The following TLCD4 variants were observed in gnomAD, a reference collection of about 807,000 sequenced individuals.
TLCD4 encodes TLC domain containing 4.
A neutral mutation model predicts 24.2 loss-of-function variants in TLCD4; 7 were observed. The ratio of observed to expected loss-of-function variants is 0.29; its 90% CI spans 0.16 to 0.54. The LOEUF (loss-of-function observed/expected upper bound fraction) is 0.54. Among genes scored for constraint, TLCD4 ranks in the 20% least tolerant of loss-of-function variants. The pLI is 0.95. For missense variants in TLCD4, 259 were observed against 313.9 expected, an observed-to-expected ratio of 0.82 and a Z score of 1.32; for synonymous variants, 103 against 106.4, an observed-to-expected ratio of 0.97 and a Z score of 0.20.
intron 6 of TLCD4, among the ~76,000 whole-genome samples, chr1:95,183,723 G>A (rs562121986): frequency 6.1e-4 from 92 of 151,858 alleles, no homozygotes; most frequent in Non-Finnish European, 1.0e-3. Context: ...GCGTAGTCCC[G>A]GCTACTCAGG....
At chr1:95,109,851 T>G in the TLCD4 span, among the ~76,000 whole-genome samples, 1 of 148,854 alleles carries the variant, frequency 6.7e-6, no homozygotes, top group East Asian at 2.0e-4. Context: ...GTCTTTTTCT[T>G]CTTTTATTTT....
rs551384124 is a variant in TLCD4 at position 95,133,025 on chromosome 1, A to G, written c.-11-10866A>G. Among the ~76,000 whole-genome samples, 27 of 152,302 alleles carry G rather than the reference A, an allele frequency of 1.8e-4. No homozygotes were observed. In the South Asian group the frequency reaches 5.0e-3, roughly 28 times the overall value. On this transcript the variant is annotated intron_variant, in intron 1 of 6. Transcript: ENST00000370203. ...TGAGAAATGATGACAGAATACAGGC[A>G]AATATTTCTAGAACTTTGTCTGTAA...
intron 6 of TLCD4, 74 bp from the exon 7 acceptor site, chr1:95,191,476 T>C: frequency 2.0e-6 from 3 of 1,515,590 alleles, no homozygotes; most frequent in Non-Finnish European, 1.8e-6. Flanking sequence ...TTTTAAAATT[T>C]AAAAACTAAA....
intron 5 of TLCD4, among the ~76,000 whole-genome samples, chr1:95,165,509 A>G (rs974008482): frequency 4.8e-5 from 7 of 145,396 alleles, no homozygotes; most frequent in African/African-American, 1.8e-4. Flanking sequence ...CTTGTCCCCC[A>G]GGGTGGAGTG....
At chr1:95,160,573 C>T (rs1211590926) in intron 5 of TLCD4, among the ~76,000 whole-genome samples, 3 of 152,122 alleles carry the variant, frequency 2.0e-5, no homozygotes, top group Non-Finnish European at 4.4e-5. Context: ...GAGGGCATCC[C>T]TGTCTTGTGC....
At chr1:95,157,784 G>T (rs1338226872) in intron 5 of TLCD4, among the ~76,000 whole-genome samples, 5 of 152,196 alleles carry the variant, frequency 3.3e-5, no homozygotes, top group Admixed American at 6.5e-5. Flanking sequence ...AGAGACCCAG[G>T]AGGAAGCCGC....
chr1:95,194,017 A>C lies in TLCD4; in HGVS notation c.*2149A>C, dbSNP rs939957490. 7.2e-5 allele frequency: 11 copies of C among 152,158 alleles called. No individual in the cohort carries two copies. Among genetic ancestry groups the C allele is most frequent in the African/African-American group, 1.2e-4 (5 of 41,460 alleles). 9.4% of individuals were successfully genotyped at this position (152,158 alleles called of 1,614,324 possible). A position where few individuals can be genotyped will look rare whatever the true frequency, so the allele number is the denominator to read the frequency against. On this transcript the variant is annotated 3_prime_UTR_variant, in exon 7 of 7. Transcript: ENST00000370203. ...AGTTCTGAACACAGATTTTAAACCC[A>C]CTATCAAAATGAAAACAATATAAAG... is the stretch of plus-strand genomic sequence containing the variant.
At position 95,167,081 on chromosome 1, in the gene TLCD4, T is replaced by G. The variant is rs72722161; in HGVS notation, c.400-6735T>G. Among the ~76,000 whole-genome samples, 1,215 of 152,072 alleles carry G rather than the reference T, an allele frequency of 8.0e-3. 7 individuals are homozygous for G. Among genetic ancestry groups the G allele is most frequent in the African/African-American group, 0.017 (710 of 41,480 alleles). On this transcript the variant is annotated intron_variant, in intron 5 of 6. Transcript: ENST00000370203. ...TTCTCTTTTGAGTGCCGCATACTGA[T>G]GGCCATCAGTATTTTTCCTGATGGC...
the TLCD4 span, among the ~76,000 whole-genome samples, chr1:95,103,363 G>A: frequency 5.3e-4 from 81 of 152,282 alleles, no homozygotes; most frequent in African/African-American, 1.8e-3. Context: ...TAGGAAAGAA[G>A]AGAGGTTGGA....
chr1:95,191,872 A>G lies in TLCD4; in HGVS notation c.*4A>G, dbSNP rs1553173776. 10 of 1,609,812 alleles carry G rather than the reference A, an allele frequency of 6.2e-6. No individual in the cohort carries two copies. The South Asian group carries it at 8.9e-5, about 14-fold the overall frequency. ...TCAGAATGGAAAACTTGATTAAAAG[A>G]GTGCTACCGATAAGCAAACTTCATT... On this transcript the variant is annotated 3_prime_UTR_variant, in exon 7 of 7. Transcript: ENST00000370203.
chr1:95,159,356 T>C (rs1469327691), intron 5 of TLCD4, among the ~76,000 whole-genome samples: 3 of 152,226 alleles, frequency 2.0e-5, no homozygotes, highest in African/African-American at 7.2e-5. Context: ...GATTGGGTTG[T>C]TTGATTTTTT....
chr1:95,177,317 G>A (rs184279703), intron 6 of TLCD4, among the ~76,000 whole-genome samples: 1 of 145,182 alleles, frequency 6.9e-6, no homozygotes, highest in East Asian at 1.9e-4. Context: ...TCTAAAACCC[G>A]GGGAAGGCTT....
chr1:95,130,818 A>G (rs1463037943), intron 1 of TLCD4, among the ~76,000 whole-genome samples: 1 of 152,260 alleles, frequency 6.6e-6, no homozygotes, highest in Non-Finnish European at 1.5e-5. Context: ...AATGTATATC[A>G]TGTTAAAAGG....
intron 6 of TLCD4, among the ~76,000 whole-genome samples, chr1:95,185,062 T>C (rs1678783136): frequency 6.6e-6 from 1 of 152,058 alleles, no homozygotes; most frequent in Admixed American, 6.6e-5. Flanking sequence ...CTTTAAGTTT[T>C]AGGGTACATG....
chr1:95,137,327 C>T (rs1311974446), intron 1 of TLCD4, among the ~76,000 whole-genome samples: 2 of 152,162 alleles, frequency 1.3e-5, no homozygotes, highest in African/African-American at 4.8e-5. Flanking sequence ...TTCTTCCCAG[C>T]TTCCCCCTTC....
chr1:95,123,837 C>G (rs182366772), intron 1 of TLCD4, among the ~76,000 whole-genome samples: 1 of 152,140 alleles, frequency 6.6e-6, no homozygotes, highest in African/African-American at 2.4e-5. Flanking sequence ...TTTTGATAAA[C>G]ACTCTTATAA....
At chr1:95,171,248 A>G (rs1239338774) in intron 5 of TLCD4, among the ~76,000 whole-genome samples, 2 of 152,082 alleles carry the variant, frequency 1.3e-5, no homozygotes, top group Non-Finnish European at 1.5e-5. Flanking sequence ...CACCATGCCC[A>G]GCCTAAATGC....
chr1:95,171,046 CTCATCCCCCCCCTTTTTTTTAGCCGCAAA>C (rs1213150669), intron 5 of TLCD4, among the ~76,000 whole-genome samples: 1 of 140,068 alleles, frequency 7.1e-6, no homozygotes, highest in African/African-American at 3.0e-5. Flanking sequence ...TTGTGCTTTT[CTCATCCCCCCCCTTTTTTTTAGCCGCAAA>C]TGTGATTTCG....
At chr1:95,143,481 A>G (rs1270512946) in intron 1 of TLCD4, among the ~76,000 whole-genome samples, 1 of 152,124 alleles carries the variant, frequency 6.6e-6, no homozygotes, top group African/African-American at 2.4e-5. Flanking sequence ...TGTTTCTTAG[A>G]AATTATGTAA....
Sources: gnomAD v4.1 joint callset for allele counts (sites outside exome capture counted in the v4.1 genomes callset) on GRCh38, gnomAD v4.1.1 for gene constraint, MANE v1.5 for transcripts, NCBI Gene and HGNC (gene_info 2026-07-23, HGNC 2026-07-21) for gene names.